Variants in GALNTL6 observed in about 807,000 individuals in gnomAD.
The protein encoded by GALNTL6 is polypeptide N-acetylgalactosaminyltransferase-like 6.
Under a neutral mutation model 73.7 loss-of-function variants are expected in GALNTL6, and 46 were observed. That is an observed-to-expected ratio of 0.62 (90% CI 0.49 to 0.80). The LOEUF (loss-of-function observed/expected upper bound fraction) is 0.80, where lower values mean the gene tolerates loss of function less well. GALNTL6 is among the 30% of genes least tolerant of loss of function. GALNTL6 has a pLI of 0.00. For missense variants in GALNTL6, 604 were observed against 755.0 expected, an observed-to-expected ratio of 0.80 and a Z score of 2.34; for synonymous variants, 259 against 263.7, an observed-to-expected ratio of 0.98 and a Z score of 0.17.
intron 5 of GALNTL6, among the ~76,000 whole-genome samples, chr4:172,376,416 G>A (rs1277620306): frequency 1.3e-5 from 2 of 152,132 alleles, no homozygotes; most frequent in Non-Finnish European, 2.9e-5. Context: ...GCACCCCGGA[G>A]CTGAATGGCT....
chr4:172,721,914 C>G (rs540985609), intron 5 of GALNTL6, among the ~76,000 whole-genome samples: 1 of 151,936 alleles, frequency 6.6e-6, no homozygotes, highest in East Asian at 1.9e-4. Flanking sequence ...CTGCCAGCAT[C>G]ATTAGGGCTT....
At chr4:172,254,383 ATTCTAAT>A (rs1346282331) in intron 3 of GALNTL6, among the ~76,000 whole-genome samples, 2 of 151,784 alleles carry the variant, frequency 1.3e-5, no homozygotes, top group African/African-American at 4.8e-5. Flanking sequence ...TGCCTTTGAA[ATTCTAAT>A]GATACAAGTC....
intron 4 of GALNTL6, among the ~76,000 whole-genome samples, chr4:172,325,363 T>G (rs971034032): frequency 2.6e-5 from 4 of 151,966 alleles, no homozygotes; most frequent in African/African-American, 9.7e-5. Context: ...TTCTGATTTC[T>G]GGGTAAGATG....
At chr4:171,827,206 G>A (rs2110816346) in intron 2 of GALNTL6, among the ~76,000 whole-genome samples, 1 of 152,230 alleles carries the variant, frequency 6.6e-6, no homozygotes, top group East Asian at 1.9e-4. Flanking sequence ...ATTGATTACA[G>A]ACTGCTACAT....
intron 8 of GALNTL6, among the ~76,000 whole-genome samples, chr4:172,921,386 T>C (rs977567725): frequency 1.3e-5 from 2 of 152,262 alleles, no homozygotes; most frequent in African/African-American, 4.8e-5. Flanking sequence ...TATGATTCTA[T>C]TGAATTTAAC....
chr4:171,993,821 T>C (rs933939198), intron 2 of GALNTL6, among the ~76,000 whole-genome samples: 1 of 151,698 alleles, frequency 6.6e-6, no homozygotes, highest in Non-Finnish European at 1.5e-5. Flanking sequence ...TGTATATATA[T>C]GTAATGTAAA....
At chr4:172,666,049 C>G (rs916813749) in intron 5 of GALNTL6, among the ~76,000 whole-genome samples, 1 of 151,886 alleles carries the variant, frequency 6.6e-6, no homozygotes, top group Non-Finnish European at 1.5e-5. Flanking sequence ...CATTATGATT[C>G]TTCAATTTTT....
At chr4:173,013,288 G>A (rs556622083) in intron 11 of GALNTL6, among the ~76,000 whole-genome samples, 90 of 152,174 alleles carry the variant, frequency 5.9e-4, no homozygotes, top group African/African-American at 2.1e-3. Context: ...AGAAAAAGGA[G>A]GAAACCATAA....
At position 172,663,605 on chromosome 4, in the gene GALNTL6, A is replaced by G. The variant is rs1282424919; in HGVS notation, c.554-145756A>G. Among the ~76,000 whole-genome samples the G allele has an allele frequency of 2.0e-5, 3 of 152,114 alleles. No homozygotes were observed. In the East Asian group the frequency reaches 5.8e-4, roughly 29 times the overall value. ...GGTTTCTGTATCAGGTTTGGATGTG[A>G]TTTCACTTCATCCAGAAATCTATGA... On this transcript the variant is annotated intron_variant, in intron 5 of 12. Coordinates refer to ENST00000506823, the MANE Select transcript of GALNTL6 (RefSeq NM_001034845.3).
intron 7 of GALNTL6, among the ~76,000 whole-genome samples, chr4:172,841,228 T>C (rs1743188407): frequency 6.6e-6 from 1 of 152,180 alleles, no homozygotes; most frequent in Non-Finnish European, 1.5e-5. Context: ...ACATTGATAA[T>C]GGTAATGATA....
chr4:172,094,503 AC>A (rs1445708814), intron 2 of GALNTL6, among the ~76,000 whole-genome samples: 2 of 152,134 alleles, frequency 1.3e-5, no homozygotes, highest in South Asian at 2.1e-4. Flanking sequence ...AGAACAAAGT[AC>A]TTAGTGATAA....
At chr4:172,904,306 G>A (rs898270424) in intron 8 of GALNTL6, among the ~76,000 whole-genome samples, 1 of 152,138 alleles carries the variant, frequency 6.6e-6, no homozygotes, top group Admixed American at 6.6e-5. Flanking sequence ...AATAGAGAGC[G>A]ATGGTTAATA....
chr4:172,729,119 T>C (rs144782978), intron 5 of GALNTL6, among the ~76,000 whole-genome samples: 2,815 of 152,320 alleles, frequency 0.018, 46 homozygotes, highest in Middle Eastern at 0.048. Flanking sequence ...TTATATATTC[T>C]GGTTATTAAT....
rs1373165894 is a variant in GALNTL6 at position 172,313,119 on chromosome 4, C to CG, written c.386+1367_386+1368insG. Among the ~76,000 whole-genome samples the CG allele has an allele frequency of 2.9e-5, 4 of 139,664 alleles. No individual in the cohort carries two copies. In the East Asian group the frequency reaches 1.0e-3, roughly 35 times the overall value. 91.6% of individuals were successfully genotyped at this position (139,664 alleles called of 152,430 possible). A position where few individuals can be genotyped will look rare whatever the true frequency, so the allele number is the denominator to read the frequency against. ...AATTTTTATCTATCCAGTTCCCCCC[C>CG]CCACCCCCACACTTCTTTTTTTTTT... On this transcript the variant is annotated intron_variant, in intron 4 of 12. Transcript: ENST00000506823.
At chr4:172,939,953 T>G (rs1018853997) in intron 9 of GALNTL6, among the ~76,000 whole-genome samples, 1 of 152,152 alleles carries the variant, frequency 6.6e-6, no homozygotes, top group Non-Finnish European at 1.5e-5. Context: ...ACTATATATT[T>G]TGTTAGTTTA....
Position 172,787,172 on chromosome 4 carries a change from G to A in GALNTL6, c.554-22189G>A, listed in dbSNP as rs544152178. Among the ~76,000 whole-genome samples the A allele has an allele frequency of 7.9e-5, 12 of 152,294 alleles. No individual in the cohort carries two copies. The South Asian group carries it at 1.0e-3, about 13-fold the overall frequency. On this transcript the variant is annotated intron_variant, in intron 5 of 12. Coordinates refer to ENST00000506823, the MANE Select transcript of GALNTL6 (RefSeq NM_001034845.3). ...CCAAGTAACAAAGTTAATGAAAGTGGTCAAGGTGGGGAGAAGTGCAGATTT... is the reference window on the plus strand; with the variant it reads ...CCAAGTAACAAAGTTAATGAAAGTGATCAAGGTGGGGAGAAGTGCAGATTT...
At chr4:172,310,748 T>G (rs1447150597) in intron 3 of GALNTL6, among the ~76,000 whole-genome samples, 1 of 152,058 alleles carries the variant, frequency 6.6e-6, no homozygotes, top group East Asian at 1.9e-4. Context: ...AAAGTGATAC[T>G]AGACTAGGGA....
chr4:171,987,588 G>A (rs972218969), intron 2 of GALNTL6, among the ~76,000 whole-genome samples: 6 of 152,160 alleles, frequency 3.9e-5, no homozygotes, highest in Admixed American at 6.5e-5. Flanking sequence ...TGATGTGTAG[G>A]GAAGGGAAGG....
chr4:172,604,575 A>G (rs534817617), intron 5 of GALNTL6, among the ~76,000 whole-genome samples: 1 of 152,214 alleles, frequency 6.6e-6, no homozygotes, highest in Non-Finnish European at 1.5e-5. Context: ...TTATTGAATG[A>G]TAACAACTAG....
Sources: allele counts gnomAD v4.1 joint callset (sites outside exome capture counted in the v4.1 genomes callset), GRCh38; gene constraint gnomAD v4.1.1; transcripts MANE v1.5; gene names NCBI Gene and HGNC (gene_info 2026-07-23, HGNC 2026-07-21).